KIF26B: variants seen among roughly 807,000 people sequenced by gnomAD.
KIF26B encodes kinesin family member 26B.
In KIF26B, 63 loss-of-function variants were observed where a neutral mutation model predicts 151.2. That is an observed-to-expected ratio of 0.42 (90% CI 0.34 to 0.51). The LOEUF is 0.51. KIF26B is among the 20% of genes least tolerant of loss of function. The pLI, the probability that KIF26B is intolerant of heterozygous loss-of-function variation, is 0.07. For missense variants in KIF26B, 2,813 were observed against 2,913.6 expected (o/e 0.97, Z 0.79); for synonymous variants, 1,357 against 1,262.1 (o/e 1.08, Z -1.59).
At chr1:245,309,839 A>G (rs1274359307) in intron 2 of KIF26B, among the ~76,000 whole-genome samples, 1 of 145,490 alleles carries the variant, frequency 6.9e-6, no homozygotes, top group Non-Finnish European at 1.5e-5. Context: ...TATAATATAT[A>G]TTATATTATA....
Position 245,703,276 on chromosome 1 carries a change from C to CAGAG in KIF26B, c.*674_*677dup, listed in dbSNP as rs1208781545. 1.3e-5 allele frequency: 2 copies of CAGAG among 152,576 alleles called. No homozygotes were observed. Among genetic ancestry groups the CAGAG allele is most frequent in the African/African-American group, 4.8e-5 (2 of 41,436 alleles). The allele number at this position is 152,576 out of a possible 1,614,324, so 9.5% of individuals were successfully genotyped here. On this transcript the variant is annotated 3_prime_UTR_variant, in exon 15 of 15. Transcript: ENST00000407071. ...GGTTATTCTGGTGAGGCCACTCAAA[C>CAGAG]AGAGAGACTTCCCTCGGCACGAGCC...
At chr1:245,263,965 T>C (rs570513982) in intron 2 of KIF26B, among the ~76,000 whole-genome samples, 3 of 152,360 alleles carry the variant, frequency 2.0e-5, no homozygotes, top group Admixed American at 1.3e-4. Flanking sequence ...TTTTCCAGTA[T>C]GTAGATGATT....
chr1:245,215,035 T>C (rs1669616934), intron 2 of KIF26B, among the ~76,000 whole-genome samples: 1 of 152,156 alleles, frequency 6.6e-6, no homozygotes, highest in Admixed American at 6.5e-5. Flanking sequence ...TAGGATTATC[T>C]ACTTTGTTCT....
chr1:245,413,803 A>T (rs1674350156), intron 3 of KIF26B, among the ~76,000 whole-genome samples: 2 of 152,120 alleles, frequency 1.3e-5, no homozygotes, highest in Admixed American at 1.3e-4. Flanking sequence ...AGTGGTCCTG[A>T]AGGGGAGAGT....
chr1:245,493,576 A>T (rs1660451357), intron 4 of KIF26B, among the ~76,000 whole-genome samples: 1 of 152,220 alleles, frequency 6.6e-6, no homozygotes, highest in Non-Finnish European at 1.5e-5. Context: ...GATAACTTGG[A>T]CTGGCCTAGG....
intron 2 of KIF26B, among the ~76,000 whole-genome samples, chr1:245,196,521 C>T (rs1669199059): frequency 6.6e-6 from 1 of 152,186 alleles, no homozygotes; most frequent in African/African-American, 2.4e-5. Context: ...CAAGCCATAT[C>T]CCCTTCATTG....
intron 2 of KIF26B, among the ~76,000 whole-genome samples, chr1:245,278,385 C>G (rs958126943): frequency 6.6e-6 from 1 of 152,158 alleles, no homozygotes; most frequent in Non-Finnish European, 1.5e-5. Flanking sequence ...TAAGTATACC[C>G]TTTATTTTAC....
chr1:245,394,324 T>C (rs1458974283), intron 3 of KIF26B, among the ~76,000 whole-genome samples: 1 of 152,224 alleles, frequency 6.6e-6, no homozygotes, highest in Non-Finnish European at 1.5e-5. Flanking sequence ...AGTATTTTTT[T>C]AAACATTTGG....
At chr1:245,183,956 ATC>A (rs1203286953) in intron 2 of KIF26B, among the ~76,000 whole-genome samples, 2 of 150,634 alleles carry the variant, frequency 1.3e-5, no homozygotes, top group African/African-American at 4.9e-5. Flanking sequence ...TGATGAAGCC[ATC>A]TCTCTGTTTT....
intron 4 of KIF26B, among the ~76,000 whole-genome samples, chr1:245,482,919 C>T (rs1660198946): frequency 6.6e-6 from 1 of 151,794 alleles, no homozygotes; most frequent in Admixed American, 6.6e-5. Context: ...GGCAGCCACA[C>T]ACAGTTTCCG....
Position 245,602,278 on chromosome 1 carries a change from G to A in KIF26B, c.1351-299G>A, listed in dbSNP as rs1395307799. Among the ~76,000 whole-genome samples, 1 of 152,182 alleles carries A rather than the reference G, an allele frequency of 6.6e-6. No individual in the cohort carries two copies. Among genetic ancestry groups the A allele is most frequent in the African/African-American group, 2.4e-5 (1 of 41,448 alleles). ...ACTACCTTTTCATCTGTGTAATTGGGCCACGAGGGCGCAGTTAATATTCAA... is the reference window on the plus strand; with the variant it reads ...ACTACCTTTTCATCTGTGTAATTGGACCACGAGGGCGCAGTTAATATTCAA... On this transcript the variant is annotated intron_variant, in intron 5 of 14. Transcript: ENST00000407071. The surrounding 1 kb of genome is among the most constrained non-coding windows in gnomAD (Gnocchi z 4.5).
At chr1:245,694,637 C>T (rs867967774) in intron 12 of KIF26B, among the ~76,000 whole-genome samples, 8 of 152,084 alleles carry the variant, frequency 5.3e-5, no homozygotes, top group Admixed American at 2.6e-4. Context: ...CAGATGATAC[C>T]GGAAGATGGA....
chr1:245,358,445 G>A lies in KIF26B; in HGVS notation c.466-8389G>A, dbSNP rs181195928. The stretch of plus-strand genomic sequence containing the variant: ...TGAGGCAGGAGAATGGTGTGAACCT[G>A]GGAGGCCGAGCTTGCAGTGAGCCGA... On this transcript the variant is annotated intron_variant, in intron 2 of 14. Transcript: ENST00000407071. The surrounding 1 kb of genome is among the most constrained non-coding windows in gnomAD (Gnocchi z 4.1). 1.5e-3 allele frequency among the ~76,000 whole-genome samples: 234 copies of A among 152,246 alleles called. 2 individuals are homozygous for A. Among genetic ancestry groups the A allele is most frequent in the African/African-American group, 5.2e-3 (216 of 41,546 alleles).
intron 4 of KIF26B, among the ~76,000 whole-genome samples, chr1:245,421,117 TC>T (rs1658476277): frequency 6.6e-6 from 1 of 152,172 alleles, no homozygotes; most frequent in South Asian, 2.1e-4. Flanking sequence ...CTCTGTGTTG[TC>T]CCAGACCATT....
chr1:245,578,220 C>T (rs1039308145), intron 5 of KIF26B, among the ~76,000 whole-genome samples: 2 of 152,192 alleles, frequency 1.3e-5, no homozygotes, highest in East Asian at 1.9e-4. Flanking sequence ...ACAGAAGAGG[C>T]GGAGGAATGT....
At chr1:245,267,634 G>GCACACACA (rs66498609) in intron 2 of KIF26B, among the ~76,000 whole-genome samples, 244 of 136,324 alleles carry the variant, frequency 1.8e-3, no homozygotes, top group Middle Eastern at 3.7e-3. Flanking sequence ...GCTAAGTAAT[G>GCACACACA]CACACACACA....
At chr1:245,539,460 G>A (rs1241525532) in intron 4 of KIF26B, among the ~76,000 whole-genome samples, 2 of 152,178 alleles carry the variant, frequency 1.3e-5, no homozygotes, top group African/African-American at 2.4e-5. Flanking sequence ...AATAAAGTCA[G>A]GGCGGTCCTT....
At chr1:245,679,896 G>C (rs1029101799) in intron 10 of KIF26B, among the ~76,000 whole-genome samples, 13 of 152,068 alleles carry the variant, frequency 8.5e-5, no homozygotes, top group East Asian at 3.9e-4. Context: ...TCCATCCCCA[G>C]TCCCTTCCTG....
chr1:245,437,438 T>C (rs1377318097), intron 4 of KIF26B, among the ~76,000 whole-genome samples: 1 of 152,222 alleles, frequency 6.6e-6, no homozygotes, highest in Non-Finnish European at 1.5e-5. Context: ...AAAATAAAAA[T>C]AGATACCATT....
Sources: gnomAD v4.1 joint callset for allele counts (sites outside exome capture counted in the v4.1 genomes callset) on GRCh38, gnomAD v4.1.1 for gene constraint, Gnocchi (gnomAD v3.1) non-coding constraint, MANE v1.5 for transcripts, NCBI Gene and HGNC (gene_info 2026-07-23, HGNC 2026-07-21) for gene names.